The following FBXO11 variants were observed in gnomAD, a reference collection of about 807,000 sequenced individuals.
FBXO11 encodes the protein F-box protein 11.
In FBXO11, 13 loss-of-function variants were observed where a neutral mutation model predicts 117.0. The ratio of observed to expected loss-of-function variants is 0.11; its 90% confidence interval spans 0.07 to 0.18. The LOEUF is 0.18. Ranked by LOEUF, FBXO11 falls within the 10% of genes least tolerant of loss-of-function variation. The probability of loss-of-function intolerance (pLI) is 1.00; values close to 1 mark genes in which losing one functional copy is unlikely to be tolerated. For synonymous variants in FBXO11, 490 were observed against 380.5 expected, an observed-to-expected ratio of 1.29 and a Z score of -3.35; for missense variants, 767 against 1,164.4, an observed-to-expected ratio of 0.66 and a Z score of 4.97.
chr2:47,811,183 A>G (rs896858221), intron 18 of FBXO11: 4 of 151,738 alleles, frequency 2.6e-5, no homozygotes, highest in African/African-American at 9.7e-5. Context: ...CCCTCTGCAT[A>G]CTCTTTGGGT....
At chr2:47,900,602 G>T (rs1391117477) in intron 1 of FBXO11, among the ~76,000 whole-genome samples, 1 of 90,550 alleles carries the variant, frequency 1.1e-5, no homozygotes, top group Non-Finnish European at 2.4e-5. Context: ...ATATACACAC[G>T]TATACACACG....
chr2:47,886,877 A>C (rs556276170), intron 1 of FBXO11, among the ~76,000 whole-genome samples: 20 of 152,336 alleles, frequency 1.3e-4, no homozygotes, highest in African/African-American at 4.8e-4. Flanking sequence ...TCTACCAAAA[A>C]AAAAATTAAA....
At chr2:47,822,163 A>C in intron 13 of FBXO11, 55 bp downstream of exon 13, 1 of 1,160,712 alleles carries the variant, frequency 8.6e-7, no homozygotes, top group Non-Finnish European at 1.3e-6. Flanking sequence ...CATTTTGCTA[A>C]TATCAAGAAG....
chr2:47,844,296 T>C (rs1156449929), intron 1 of FBXO11, among the ~76,000 whole-genome samples: 4 of 152,226 alleles, frequency 2.6e-5, no homozygotes, highest in South Asian at 4.1e-4. Context: ...TGTTCTGTCA[T>C]TGACTTTGTT....
intron 1 of FBXO11, among the ~76,000 whole-genome samples, chr2:47,852,281 C>A (rs569741246): frequency 1.3e-5 from 2 of 152,228 alleles, no homozygotes; most frequent in Admixed American, 6.5e-5. Context: ...TGAGCCACTG[C>A]GTCTGGCCAG....
At chr2:47,849,110 C>G (rs966057084) in intron 1 of FBXO11, among the ~76,000 whole-genome samples, 3 of 152,196 alleles carry the variant, frequency 2.0e-5, no homozygotes, top group Non-Finnish European at 1.5e-5. Flanking sequence ...CACTTGACAA[C>G]TGTTTCTAAC....
At position 47,848,312 on chromosome 2, in the gene FBXO11, G is replaced by C. The variant is rs118065680; in HGVS notation, c.233-8543C>G. 1.2e-3 allele frequency among the ~76,000 whole-genome samples: 181 copies of C among 152,312 alleles called. 2 individuals carry two copies. The East Asian group carries it at 0.029, about 25-fold the overall frequency. ...CTGAGCTCCGCCTCCTGTCAGATCA[G>C]CCACAGCATTAGATTCTCATAGGAG... On this transcript the variant is annotated intron_variant, in intron 1 of 22. Transcript: ENST00000403359.
intron 1 of FBXO11, among the ~76,000 whole-genome samples, chr2:47,840,888 G>A (rs1439211334): frequency 6.6e-6 from 1 of 151,776 alleles, no homozygotes; most frequent in Non-Finnish European, 1.5e-5. Context: ...AGATGCTAGT[G>A]GAAACCAACC....
At chr2:47,809,787 A>G in intron 19 of FBXO11, 80 bp from the exon 20 acceptor site, 1 of 880,264 alleles carries the variant, frequency 1.1e-6, no homozygotes, top group Admixed American at 2.1e-5. Context: ...GCAAATGTAA[A>G]CTGCTTCTTT....
intron 1 of FBXO11, among the ~76,000 whole-genome samples, chr2:47,886,729 A>G (rs2103949118): frequency 1.3e-5 from 2 of 152,314 alleles, no homozygotes; most frequent in Middle Eastern, 3.4e-3. Flanking sequence ...AATGCCCAGG[A>G]TATCTTTAAG....
At chr2:47,830,983 G>A (rs1672138442) in intron 11 of FBXO11, among the ~76,000 whole-genome samples, 1 of 151,978 alleles carries the variant, frequency 6.6e-6, no homozygotes, top group Non-Finnish European at 1.5e-5. Context: ...ATTTTTTGTA[G>A]AGACAGAGTT....
chr2:47,896,419 T>C (rs1677671174), intron 1 of FBXO11, among the ~76,000 whole-genome samples: 1 of 151,892 alleles, frequency 6.6e-6, no homozygotes, highest in Non-Finnish European at 1.5e-5. Flanking sequence ...AGCCTTGACC[T>C]CCCTGGCTCA....
intron 1 of FBXO11, among the ~76,000 whole-genome samples, chr2:47,894,235 C>T (rs1466467927): frequency 6.6e-6 from 1 of 152,106 alleles, no homozygotes; most frequent in Non-Finnish European, 1.5e-5. Context: ...AAGGTCCAGT[C>T]AAGGACCAGA....
chr2:47,825,775 T>G (rs991215590), intron 11 of FBXO11, among the ~76,000 whole-genome samples: 4 of 151,848 alleles, frequency 2.6e-5, no homozygotes, highest in African/African-American at 7.3e-5. Context: ...TGGAGTTTCA[T>G]CATGTCGCCC....
In FBXO11 at chr2:47,807,928, TGA is replaced by T; in HGVS notation, c.*188_*189del. On this transcript the variant is annotated 3_prime_UTR_variant, in exon 23 of 23. Coordinates refer to ENST00000403359, the MANE Select transcript of FBXO11 (RefSeq NM_001190274.2). ...ACAGTAATGCTAAAACACCCAGCTTTGAGATCCTGAGTCAATATATTGCCACT... is the reference window on the plus strand; with the variant it reads ...ACAGTAATGCTAAAACACCCAGCTTTGATCCTGAGTCAATATATTGCCACT... The T allele has an allele frequency of 1.8e-6, 1 of 559,518 alleles. No homozygotes were observed. Among genetic ancestry groups the T allele is most frequent in the South Asian group, 2.3e-5 (1 of 43,016 alleles). 34.7% of individuals were successfully genotyped at this position (559,518 alleles called of 1,614,324 possible).
rs191350177 is a variant in FBXO11 at position 47,886,258 on chromosome 2, G to A, written c.232+19231C>T. Among the ~76,000 whole-genome samples, 3 of 152,226 alleles carry A rather than the reference G, an allele frequency of 2.0e-5. No homozygotes were observed. The East Asian group carries it at 5.8e-4, about 29-fold the overall frequency. On this transcript the variant is annotated intron_variant, in intron 1 of 22. Coordinates refer to ENST00000403359, the MANE Select transcript of FBXO11 (RefSeq NM_001190274.2). ...CACGGTGCCTCACGCTGTAATCCCA[G>A]CACTTTGGGAGGCCGAGGCAGGCAG...
intron 1 of FBXO11, among the ~76,000 whole-genome samples, chr2:47,852,593 T>G (rs576910231): frequency 6.6e-6 from 1 of 152,198 alleles, no homozygotes; most frequent in African/African-American, 2.4e-5. Context: ...GATGTTTTTA[T>G]TTTTACTTTT....
At chr2:47,837,903 A>T (rs1415101354) in intron 4 of FBXO11, among the ~76,000 whole-genome samples, 4 of 151,568 alleles carry the variant, frequency 2.6e-5, no homozygotes, top group Non-Finnish European at 5.9e-5. Context: ...GCCTCTTTTC[A>T]CTTTTTATAA....
rs1379970723 is a variant in FBXO11, at chr2:47,834,628, A to G, written c.885T>C (p.Tyr295=). Residue 295 remains tyrosine (Y), a synonymous_variant, in exon 7 of 23, where the codon TAT becomes TAC. Coordinates refer to ENST00000403359, the MANE Select transcript of FBXO11 (RefSeq NM_001190274.2). ...ATTCAATATATATCCATTCATCAGT[A>G]TATATTCCAGAATGAACAAAGATAA... The part of the protein sequence containing the change: ...DGLIFVHSGI[Y]TDEWIYIESP... 4.4e-6 allele frequency: 7 copies of G among 1,608,546 alleles called. No homozygotes were observed. Among genetic ancestry groups the G allele is most frequent in the East Asian group, 2.2e-5 (1 of 44,786 alleles).
Sources: allele counts gnomAD v4.1 joint callset (sites outside exome capture counted in the v4.1 genomes callset), GRCh38; gene constraint gnomAD v4.1.1; transcripts MANE v1.5; gene names NCBI Gene and HGNC (gene_info 2026-07-23, HGNC 2026-07-21).